Variants in RICTOR observed in about 807,000 individuals in gnomAD.
The protein encoded by RICTOR is RPTOR independent companion of MTOR complex 2.
A neutral mutation model predicts 214.9 loss-of-function variants in RICTOR; 49 were observed. The observed-to-expected ratio is 0.23, with a 90% CI of 0.18 to 0.29. RICTOR has a LOEUF of 0.29. RICTOR is among the 10% of genes least tolerant of loss of function. The pLI is 1.00. For missense variants in RICTOR, 1,625 were observed against 2,047.0 expected (o/e 0.79, Z 3.98); for synonymous variants, 717 against 711.3 (o/e 1.01, Z -0.13).
At chr5:39,073,448 A>G (rs1374992697) in intron 2 of RICTOR, among the ~76,000 whole-genome samples, 1 of 152,232 alleles carries the variant, frequency 6.6e-6, no homozygotes, top group African/African-American at 2.4e-5. Context: ...TGCAGAAGGT[A>G]AACAATGAAC....
chr5:38,969,410 CAA>C (rs1332011058), intron 11 of RICTOR, among the ~76,000 whole-genome samples: 5 of 151,784 alleles, frequency 3.3e-5, no homozygotes, highest in Non-Finnish European at 7.4e-5. Context: ...AATATTATTG[CAA>C]AAGAGTCAAA....
chr5:38,952,983 AC>A lies in RICTOR; in HGVS notation c.2897+1del. On this transcript the variant is annotated splice_donor_variant, in intron 29 of 37. Coordinates refer to ENST00000357387, the MANE Select transcript of RICTOR (RefSeq NM_152756.5). LOFTEE classifies it high-confidence loss of function. Reference sequence around the variant, plus strand: ...GAAAGATTTCTGAGTTAAATGACCTACCCTCTGATGGAAAGAACTTCACACT... The same window carrying A: ...GAAAGATTTCTGAGTTAAATGACCTACCTCTGATGGAAAGAACTTCACACT... The A allele has an allele frequency of 6.4e-7, 1 of 1,559,204 alleles. No homozygotes were observed. The highest frequency in any genetic ancestry group is 8.8e-7 in the Non-Finnish European group (1 of 1,132,590).
At chr5:39,004,839 T>C (rs1173179864) in intron 3 of RICTOR, among the ~76,000 whole-genome samples, 1 of 140,538 alleles carries the variant, frequency 7.1e-6, no homozygotes, top group Non-Finnish European at 1.5e-5. Context: ...TGGAGCGCAA[T>C]GGTGCAATCT....
At position 39,074,022 on chromosome 5, in the gene RICTOR, G is replaced by A. The variant is rs540707402; in HGVS notation, c.97+89C>T. On this transcript the variant is annotated intron_variant, in intron 2 of 37. Transcript: ENST00000357387. ...CCCCCGCACCCCGCCGGTCCCGTGC[G>A]GGGCCCGCCCCTGCCTCTGGCCCCC... The A allele has an allele frequency of 8.2e-6, 8 of 971,572 alleles. No individual in the cohort carries two copies. The South Asian group carries it at 9.7e-5, about 12-fold the overall frequency. 60.2% of individuals were successfully genotyped at this position (971,572 alleles called of 1,614,324 possible).
At chr5:39,074,212 G>A (rs1327435355) in intron 1 of RICTOR, 54 bp from the exon 2 acceptor site, 2 of 1,577,288 alleles carry the variant, frequency 1.3e-6, no homozygotes, top group South Asian at 1.1e-5. Flanking sequence ...GGCCAGCTGC[G>A]GCTGCCCTGG....
At chr5:39,051,710 G>C (rs556694608) in intron 2 of RICTOR, among the ~76,000 whole-genome samples, 2 of 151,734 alleles carry the variant, frequency 1.3e-5, no homozygotes, top group African/African-American at 4.8e-5. Context: ...CCAAGATCAC[G>C]CCATTGCACT....
intron 3 of RICTOR, among the ~76,000 whole-genome samples, chr5:39,012,279 C>A (rs1447726484): frequency 6.6e-6 from 1 of 152,114 alleles, no homozygotes; most frequent in South Asian, 2.1e-4. Flanking sequence ...CCCCTTCACT[C>A]AACACTCATT....
chr5:39,071,239 CTTCGCTTAGACTTAATTTATTGG>C (rs1759296713), intron 2 of RICTOR, among the ~76,000 whole-genome samples: 1 of 152,112 alleles, frequency 6.6e-6, no homozygotes, highest in African/African-American at 2.4e-5. Flanking sequence ...ACATACTGCA[CTTCGCTTAGACTTAATTTATTGG>C]TAATGTCACA....
chr5:38,975,688 G>T, intron 9 of RICTOR, 84 bp from the exon 10 acceptor site: 3 of 935,066 alleles, frequency 3.2e-6, no homozygotes, highest in Non-Finnish European at 3.5e-6. Context: ...ATCACAATAA[G>T]AGCTATCACT....
intron 17 of RICTOR, 84 bp from the exon 18 acceptor site, chr5:38,962,670 A>C: frequency 4.6e-6 from 4 of 866,378 alleles, no homozygotes; most frequent in Non-Finnish European, 7.1e-6. Flanking sequence ...AAAAAATGAA[A>C]GGCAGCTTTT....
intron 2 of RICTOR, among the ~76,000 whole-genome samples, chr5:39,035,038 T>A (rs1260465694): frequency 6.6e-6 from 1 of 152,196 alleles, no homozygotes; most frequent in Admixed American, 6.5e-5. Flanking sequence ...CCCTGACCCC[T>A]GACCCCTGAG....
chr5:38,960,268 T>G, intron 20 of RICTOR, 130 bp downstream of exon 20: 1 of 931,508 alleles, frequency 1.1e-6, no homozygotes, highest in Non-Finnish European at 1.7e-6. Flanking sequence ...TGGGATCATT[T>G]CTTATGTTTC....
intron 3 of RICTOR, among the ~76,000 whole-genome samples, chr5:39,006,247 T>G (rs1030683615): frequency 1.3e-5 from 2 of 152,238 alleles, no homozygotes; most frequent in African/African-American, 4.8e-5. Flanking sequence ...CCCGAGCAGC[T>G]TCCTGCTGCC....
At chr5:38,964,233 A>G (rs919559738) in intron 16 of RICTOR, among the ~76,000 whole-genome samples, 4 of 151,812 alleles carry the variant, frequency 2.6e-5, no homozygotes, top group Non-Finnish European at 5.9e-5. Context: ...CCCTTCCATC[A>G]TTACCTTTTA....
intron 30 of RICTOR, 130 bp downstream of exon 30, chr5:38,952,066 A>T: frequency 1.6e-6 from 1 of 613,116 alleles, no homozygotes; most frequent in Non-Finnish European, 2.9e-6. Flanking sequence ...ATTCTCCAAG[A>T]GGCTATTATT....
At chr5:38,952,148 T>G (rs1184708591) in intron 30 of RICTOR, 48 bp downstream of exon 30, 3 of 1,121,634 alleles carry the variant, frequency 2.7e-6, no homozygotes, top group Non-Finnish European at 4.0e-6. Flanking sequence ...AATTCAAATA[T>G]AAATGTTAAC....
chr5:38,963,223 C>T lies in RICTOR; in HGVS notation c.1401-182G>A, dbSNP rs1209062151. On this transcript the variant is annotated intron_variant, in intron 16 of 37. Transcript: ENST00000357387. The stretch of plus-strand genomic sequence containing the variant: ...ATAACACTACTGATTTATATAAAGA[C>T]ACACTGATTATTTAGATGCAATTGA... Among the ~76,000 whole-genome samples, 58 of 151,962 alleles carry T rather than the reference C, an allele frequency of 3.8e-4. 1 individual carries two copies. Among genetic ancestry groups the T allele is most frequent in the Admixed American group, 3.7e-3 (56 of 15,242 alleles).
At chr5:39,063,702 T>G (rs80217883) in intron 2 of RICTOR, among the ~76,000 whole-genome samples, 5 of 152,112 alleles carry the variant, frequency 3.3e-5, no homozygotes, top group Non-Finnish European at 2.9e-5. Flanking sequence ...GGAAGATGTA[T>G]GCCTTCCTCA....
Position 39,002,657 on chromosome 5 carries a change from T to C in RICTOR, c.270A>G (p.Leu90=). Residue 90 remains leucine (L), a synonymous_variant, in exon 5 of 38, where the codon TTA becomes TTG. Transcript: ENST00000357387. ...CTTCTTTTGCTTCATTTAATAAAGCTAACCGCAAACTGTATGAAAACAAAC... is the reference window on the plus strand; with the variant it reads ...CTTCTTTTGCTTCATTTAATAAAGCCAACCGCAAACTGTATGAAAACAAAC... ...HYEDIIICLR[L]ALLNEAKEVR... The C allele has an allele frequency of 6.2e-7, 1 of 1,606,166 alleles. No individual in the cohort carries two copies. Among genetic ancestry groups the C allele is most frequent in the Non-Finnish European group, 8.5e-7 (1 of 1,177,462 alleles).
Sources: gnomAD v4.1 joint callset for allele counts (sites outside exome capture counted in the v4.1 genomes callset) on GRCh38, gnomAD v4.1.1 for gene constraint, MANE v1.5 for transcripts, NCBI Gene and HGNC (gene_info 2026-07-23, HGNC 2026-07-21) for gene names.